The following FGF14 variants were observed in gnomAD, a reference collection of about 807,000 sequenced individuals.
FGF14 encodes the protein fibroblast growth factor homologous factor 4.
FGF14 carries 5 observed loss-of-function variants against 25.5 expected under a neutral mutation model. The observed-to-expected ratio is 0.20, with a 90% CI of 0.10 to 0.41. The LOEUF (loss-of-function observed/expected upper bound fraction) is 0.41. Ranked by LOEUF, FGF14 falls within the 10% of genes least tolerant of loss-of-function variation. The pLI is 1.00. For synonymous variants in FGF14, 138 were observed against 118.3 expected (o/e 1.17, Z -1.08); for missense variants, 222 against 320.1 (o/e 0.69, Z 2.34).
At chr13:101,884,860 C>CACAT (rs67414504) in intron 1 of FGF14, among the ~76,000 whole-genome samples, 2 of 150,024 alleles carry the variant, frequency 1.3e-5, no homozygotes, top group Admixed American at 1.3e-4. Context: ...CACACACAGA[C>CACAT]ACATACATAC....
chr13:101,755,746 C>T (rs978880539), intron 3 of FGF14, among the ~76,000 whole-genome samples: 2 of 152,176 alleles, frequency 1.3e-5, no homozygotes, highest in Non-Finnish European at 2.9e-5. Context: ...GTGGCTTCCT[C>T]ATGAAGTAAT....
chr13:101,995,894 A>G (rs891060678), intron 1 of FGF14, among the ~76,000 whole-genome samples: 3 of 152,160 alleles, frequency 2.0e-5, no homozygotes, highest in African/African-American at 7.2e-5. Context: ...AGGAATAGTT[A>G]AAGCATACAA....
chr13:102,101,657 T>C (rs976884575), intron 1 of FGF14, among the ~76,000 whole-genome samples: 2 of 152,120 alleles, frequency 1.3e-5, no homozygotes, highest in Non-Finnish European at 2.9e-5. Context: ...GTACAACATA[T>C]ACTCTTAGGA....
intron 1 of FGF14, among the ~76,000 whole-genome samples, chr13:102,083,427 T>TG (rs2043734595): frequency 6.7e-6 from 1 of 149,446 alleles, no homozygotes; most frequent in African/African-American, 2.6e-5. Flanking sequence ...TGTTGGGTTT[T>TG]TTTTTAAAAT....
chr13:101,800,629 C>A lies in FGF14; in HGVS notation c.408+68096G>T, dbSNP rs142748390. ...CAAAAATTGAAATTAAATGTATCAA[C>A]AATTCCTATGTTCTGTGTGTCCAGA... On this transcript the variant is annotated intron_variant, in intron 3 of 4. Coordinates refer to ENST00000376143, the MANE Select transcript of FGF14 (RefSeq NM_004115.4). 7.2e-5 allele frequency among the ~76,000 whole-genome samples: 11 copies of A among 152,260 alleles called. No homozygotes were observed. The East Asian group carries it at 2.1e-3, about 29-fold the overall frequency.
chr13:101,878,332 T>C (rs1002608116), intron 1 of FGF14, among the ~76,000 whole-genome samples: 4 of 152,186 alleles, frequency 2.6e-5, no homozygotes, highest in Non-Finnish European at 4.4e-5. Context: ...CCCACTCTGG[T>C]TCTATCAACA....
At chr13:101,960,818 A>C (rs560201565) in intron 1 of FGF14, among the ~76,000 whole-genome samples, 3 of 152,260 alleles carry the variant, frequency 2.0e-5, no homozygotes, top group Non-Finnish European at 4.4e-5. Flanking sequence ...AACAGGGTAA[A>C]AGTATTCCTA....
At chr13:102,308,926 AAAAAAAAACAC>A (rs2055562775) in intron 1 of FGF14, among the ~76,000 whole-genome samples, 1 of 150,430 alleles carries the variant, frequency 6.6e-6, no homozygotes, top group Non-Finnish European at 1.5e-5. Flanking sequence ...CAAAAAAAAA[AAAAAAAAACAC>A]AAAAAAAACA....
chr13:102,052,517 T>C (rs1190758808), intron 1 of FGF14, among the ~76,000 whole-genome samples: 1 of 144,250 alleles, frequency 6.9e-6, no homozygotes, highest in Non-Finnish European at 1.5e-5. Flanking sequence ...ACAGAGAGGA[T>C]ACTAAAAGTA....
Position 102,157,996 on chromosome 13 carries a change from G to T in FGF14, c.208+243475C>A, listed in dbSNP as rs999890276. Among the ~76,000 whole-genome samples, 12 of 152,190 alleles carry T rather than the reference G, an allele frequency of 7.9e-5. No homozygotes were observed. In the South Asian group the frequency reaches 1.0e-3, roughly 13 times the overall value. Reference sequence around the variant, plus strand: ...ATACCATCTCACACCAGTTAGAATGGCAATCATTAAAAAGTCAGGAAAAAG... The same window carrying T: ...ATACCATCTCACACCAGTTAGAATGTCAATCATTAAAAAGTCAGGAAAAAG... On this transcript the variant is annotated intron_variant, in intron 1 of 4. Coordinates refer to the FGF14 transcript ENST00000376131.
intron 1 of FGF14, among the ~76,000 whole-genome samples, chr13:101,934,584 T>C (rs926302905): frequency 3.9e-5 from 6 of 152,356 alleles, no homozygotes; most frequent in East Asian, 3.9e-4. Flanking sequence ...ACTTTGTATA[T>C]GTTAGACCTC....
intron 1 of FGF14, among the ~76,000 whole-genome samples, chr13:102,289,720 C>G (rs1415940652): frequency 6.6e-6 from 1 of 152,176 alleles, no homozygotes; most frequent in Non-Finnish European, 1.5e-5. Context: ...GATTCTGTGT[C>G]ATATCTTAAT....
intron 1 of FGF14, among the ~76,000 whole-genome samples, chr13:101,991,774 G>A (rs2038919864): frequency 6.6e-6 from 1 of 152,064 alleles, no homozygotes; most frequent in Non-Finnish European, 1.5e-5. Flanking sequence ...GGACCAGGTT[G>A]AGAGTAAAAA....
At chr13:102,394,036 A>G (rs890337330) in intron 1 of FGF14, among the ~76,000 whole-genome samples, 1 of 152,184 alleles carries the variant, frequency 6.6e-6, no homozygotes, top group African/African-American at 2.4e-5. Context: ...ATCTGGGATT[A>G]CTCTAATCAA....
chr13:101,883,634 G>A (rs1303450988), intron 1 of FGF14, among the ~76,000 whole-genome samples: 3 of 147,430 alleles, frequency 2.0e-5, no homozygotes, highest in Non-Finnish European at 4.5e-5. Flanking sequence ...ACAATAGTAA[G>A]AATAATAGCT....
At chr13:101,885,782 A>C (rs2037612185) in intron 1 of FGF14, among the ~76,000 whole-genome samples, 1 of 151,990 alleles carries the variant, frequency 6.6e-6, no homozygotes, top group Admixed American at 6.6e-5. Context: ...CAAGATCTGG[A>C]AGGTTTGCAG....
chr13:101,782,737 G>A (rs759860374), intron 3 of FGF14, among the ~76,000 whole-genome samples: 9 of 152,170 alleles, frequency 5.9e-5, no homozygotes, highest in Middle Eastern at 3.2e-3. Flanking sequence ...TTTTATGGCT[G>A]CATGGTATTC....
chr13:101,842,053 T>C (rs960603923), intron 3 of FGF14, among the ~76,000 whole-genome samples: 6 of 152,034 alleles, frequency 3.9e-5, no homozygotes, highest in African/African-American at 1.2e-4. Flanking sequence ...GATCTATTCA[T>C]GGTCACTGAG....
intron 1 of FGF14, among the ~76,000 whole-genome samples, chr13:102,232,746 T>C (rs535310824): frequency 1.3e-5 from 2 of 152,334 alleles, no homozygotes; most frequent in East Asian, 3.9e-4. Flanking sequence ...GGCTTTTCTT[T>C]TACAATTGCT....
Sources: allele counts gnomAD v4.1 joint callset (sites outside exome capture counted in the v4.1 genomes callset), GRCh38; gene constraint gnomAD v4.1.1; transcripts MANE v1.5; gene names NCBI Gene and HGNC (gene_info 2026-07-23, HGNC 2026-07-21).